Variants in TTPA observed in about 807,000 individuals in gnomAD.
TTPA encodes alpha-tocopherol transfer protein.
In TTPA, 23 loss-of-function variants were observed where a neutral mutation model predicts 25.9. The ratio of observed to expected loss-of-function variants is 0.89; its 90% CI spans 0.64 to 1.26. TTPA has a LOEUF of 1.26. Among genes scored for constraint, TTPA ranks in the 50% most tolerant of loss-of-function variants. The pLI is 0.00. For missense variants in TTPA, 337 were observed against 353.1 expected, an observed-to-expected ratio of 0.95 and a Z score of 0.37; for synonymous variants, 148 against 137.3, an observed-to-expected ratio of 1.08 and a Z score of -0.54.
chr8:63,076,371 G>C lies in TTPA; in HGVS notation c.205-3283C>G, dbSNP rs184340675. ...GCTTTCTTTATACAAAAACTATAGG[G>C]CTTCTATATTATGAATGAAGAAGTT... On this transcript the variant is annotated intron_variant, in intron 1 of 4. Coordinates refer to ENST00000260116, the MANE Select transcript of TTPA (RefSeq NM_000370.3). Among the ~76,000 whole-genome samples the C allele has an allele frequency of 2.2e-3, 332 of 149,278 alleles. 2 individuals are homozygous for C. The highest frequency in any genetic ancestry group is 8.0e-3 in the African/African-American group (311 of 38,786).
At chr8:63,076,335 G>A (rs1357613270) in intron 1 of TTPA, among the ~76,000 whole-genome samples, 4 of 148,824 alleles carry the variant, frequency 2.7e-5, no homozygotes, top group Non-Finnish European at 5.9e-5. Context: ...TGTGACTGAG[G>A]CACTTATCAA....
At chr8:63,071,800 C>G (rs1805487942) in intron 2 of TTPA, among the ~76,000 whole-genome samples, 1 of 152,104 alleles carries the variant, frequency 6.6e-6, no homozygotes, top group Non-Finnish European at 1.5e-5. Context: ...AGGTAGCAGG[C>G]CCTCACCAAA....
Position 63,085,938 on chromosome 8 carries a change from C to T in TTPA, c.84G>A (p.Leu28=). Reference sequence around the variant, plus strand: ...CCCGGGCCCGGCGCCGCAGCGCCGCCAGGCCCGGCTGCAGCAACGGAGAGT... The same window carrying T: ...CCCGGGCCCGGCGCCGCAGCGCCGCTAGGCCCGGCTGCAGCAACGGAGAGT... ...PDHSPLLQPG[L]AALRRRAREA... Residue 28 remains leucine (L), a synonymous_variant, in exon 1 of 5, where the codon CTG becomes CTA. Coordinates refer to ENST00000260116, the MANE Select transcript of TTPA (RefSeq NM_000370.3). 2 of 1,520,550 alleles carry T rather than the reference C, an allele frequency of 1.3e-6. No homozygotes were observed. Among genetic ancestry groups the T allele is most frequent in the Non-Finnish European group, 1.8e-6 (2 of 1,141,316 alleles). 94.2% of individuals were successfully genotyped at this position (1,520,550 alleles called of 1,614,324 possible).
At chr8:63,065,388 A>T (rs1253123041) in intron 3 of TTPA, among the ~76,000 whole-genome samples, 1 of 152,182 alleles carries the variant, frequency 6.6e-6, no homozygotes, top group Non-Finnish European at 1.5e-5. Flanking sequence ...TGCATTTGAA[A>T]CACTTAGCAA....
rs1396334960 is a variant in TTPA, at chr8:63,060,650, G to C, written c.*602C>G. ...GATCTCACTACTGCACTCTAGCCTG[G>C]GCGACAGAGCAAGACTCTGTCTGAA... On this transcript the variant is annotated 3_prime_UTR_variant, in exon 5 of 5. Coordinates refer to ENST00000260116, the MANE Select transcript of TTPA (RefSeq NM_000370.3). 2 of 151,158 alleles carry C rather than the reference G, an allele frequency of 1.3e-5. No homozygotes were observed. Among genetic ancestry groups the C allele is most frequent in the African/African-American group, 5.0e-5 (2 of 39,660 alleles). The allele number at this position is 151,158 out of a possible 1,614,324, so 9.4% of individuals were successfully genotyped here. A position where few individuals can be genotyped will look rare whatever the true frequency, so the allele number is the denominator to read the frequency against.
chr8:63,080,377 T>C (rs555411707), intron 1 of TTPA, among the ~76,000 whole-genome samples: 1 of 152,238 alleles, frequency 6.6e-6, no homozygotes, highest in Non-Finnish European at 1.5e-5. Context: ...TCAATGAATC[T>C]AGAAGCTGGT....
intron 1 of TTPA, among the ~76,000 whole-genome samples, chr8:63,080,422 A>G (rs1483665524): frequency 6.6e-6 from 1 of 152,228 alleles, no homozygotes; most frequent in African/African-American, 2.4e-5. Flanking sequence ...ATAGACTGCT[A>G]GCAAGACTAA....
intron 1 of TTPA, among the ~76,000 whole-genome samples, chr8:63,074,853 C>A (rs1805537542): frequency 1.3e-5 from 2 of 152,184 alleles, no homozygotes; most frequent in South Asian, 4.2e-4. Flanking sequence ...TTAATACTGG[C>A]AGGGGCCTCA....
chr8:63,076,356 T>C (rs1259111747), intron 1 of TTPA, among the ~76,000 whole-genome samples: 1 of 152,178 alleles, frequency 6.6e-6, no homozygotes, highest in African/African-American at 2.4e-5. Context: ...GCTTTCTTTA[T>C]ACAAAAACTA....
chr8:63,064,122 G>T, intron 4 of TTPA, 84 bp downstream of exon 4: 1 of 985,868 alleles, frequency 1.0e-6, no homozygotes, highest in Non-Finnish European at 1.6e-6. Flanking sequence ...CAGGTACGAG[G>T]AAAGATGATA....
chr8:63,069,120 C>T (rs1805442719), intron 2 of TTPA, among the ~76,000 whole-genome samples: 1 of 151,962 alleles, frequency 6.6e-6, no homozygotes, highest in African/African-American at 2.4e-5. Flanking sequence ...GCCCACTGCT[C>T]TCCAGCCTGG....
chr8:63,065,578 G>T (rs1327753320), intron 3 of TTPA, among the ~76,000 whole-genome samples: 1 of 151,914 alleles, frequency 6.6e-6, no homozygotes, highest in African/African-American at 2.4e-5. Flanking sequence ...ACATTTTATT[G>T]TTCCATTGAT....
intron 2 of TTPA, among the ~76,000 whole-genome samples, chr8:63,066,560 C>A (rs916612494): frequency 6.6e-6 from 1 of 152,126 alleles, no homozygotes; most frequent in African/African-American, 2.4e-5. Context: ...CAGCACATAG[C>A]AGAGTCATGT....
At chr8:63,074,057 G>A (rs1157131585) in intron 1 of TTPA, among the ~76,000 whole-genome samples, 1 of 150,478 alleles carries the variant, frequency 6.6e-6, no homozygotes, top group Non-Finnish European at 1.5e-5. Context: ...TTTTTCACAA[G>A]TTACAATACA....
At chr8:63,062,346 T>C (rs1805320380) in intron 4 of TTPA, among the ~76,000 whole-genome samples, 1 of 152,186 alleles carries the variant, frequency 6.6e-6, no homozygotes, top group Non-Finnish European at 1.5e-5. Context: ...ACCAAAAGCA[T>C]ACCTGCTAAA....
intron 1 of TTPA, among the ~76,000 whole-genome samples, chr8:63,075,069 A>G (rs1258462276): frequency 1.3e-5 from 2 of 152,382 alleles, no homozygotes; most frequent in East Asian, 3.9e-4. Flanking sequence ...ATCCACTGAT[A>G]CATAAATTCA....
At chr8:63,077,818 G>C (rs1378481203) in intron 1 of TTPA, among the ~76,000 whole-genome samples, 1 of 152,184 alleles carries the variant, frequency 6.6e-6, no homozygotes, top group Admixed American at 6.5e-5. Context: ...GGTTCTCCCA[G>C]CATGGCATTT....
chr8:63,078,298 C>G (rs1398323137), intron 1 of TTPA, among the ~76,000 whole-genome samples: 31 of 152,178 alleles, frequency 2.0e-4, no homozygotes, highest in Admixed American at 2.0e-4. Context: ...GATCACAGCT[C>G]CTCACCAGCA....
intron 1 of TTPA, among the ~76,000 whole-genome samples, chr8:63,075,000 C>T (rs974592723): frequency 6.6e-6 from 1 of 152,220 alleles, no homozygotes; most frequent in Non-Finnish European, 1.5e-5. Context: ...GCACAAATCA[C>T]TATCTCGCAC....
Sources: gnomAD v4.1 joint callset for allele counts (sites outside exome capture counted in the v4.1 genomes callset) on GRCh38, gnomAD v4.1.1 for gene constraint, MANE v1.5 for transcripts, NCBI Gene and HGNC (gene_info 2026-07-23, HGNC 2026-07-21) for gene names.